The following ST8SIA1 variants were observed in gnomAD, a reference collection of about 807,000 sequenced individuals.
ST8SIA1 encodes the protein ST8 alpha-N-acetyl-neuraminide alpha-2,8-sialyltransferase 1.
Under a neutral mutation model 35.9 loss-of-function variants are expected in ST8SIA1, and 16 were observed. The observed-to-expected ratio is 0.45, with a 90% confidence interval of 0.30 to 0.68. The LOEUF is 0.68. ST8SIA1 is among the 30% of genes least tolerant of loss of function. The pLI is 0.09. For missense variants in ST8SIA1, 383 were observed against 453.6 expected, an observed-to-expected ratio of 0.84 and a Z score of 1.41; for synonymous variants, 170 against 169.6, an observed-to-expected ratio of 1.00 and a Z score of -0.02.
intron 2 of ST8SIA1, among the ~76,000 whole-genome samples, chr12:22,259,147 C>T (rs12310364): frequency 0.57 from 87,130 of 151,910 alleles, 25,709 homozygotes; most frequent in Middle Eastern, 0.76. Flanking sequence ...CTAGATTTCA[C>T]GGTTTCTGTA....
Position 22,193,672 on chromosome 12 carries a change from A to G in ST8SIA1, c.*7880T>C, listed in dbSNP as rs2120575025. 1 of 152,354 alleles carries G rather than the reference A, an allele frequency of 6.6e-6. No homozygotes were observed. The highest frequency in any genetic ancestry group is 1.9e-4 in the East Asian group (1 of 5,192). 9.4% of individuals were successfully genotyped at this position (152,354 alleles called of 1,614,324 possible). ...TTTTCTTTTTTACCTGCAACATTTT[A>G]GATGAAACTCTACAAAAAGAATTGA... is the stretch of plus-strand genomic sequence containing the variant. On this transcript the variant is annotated 3_prime_UTR_variant, in exon 5 of 5. Transcript: ENST00000396037.
At chr12:22,319,782 T>C (rs1316366510) in intron 1 of ST8SIA1, among the ~76,000 whole-genome samples, 1 of 152,134 alleles carries the variant, frequency 6.6e-6, no homozygotes, top group East Asian at 1.9e-4. Flanking sequence ...AAGTTGGGGG[T>C]ACCTAGCCAG....
chr12:22,239,583 A>G (rs1865516614), intron 4 of ST8SIA1, among the ~76,000 whole-genome samples: 1 of 152,238 alleles, frequency 6.6e-6, no homozygotes, highest in African/African-American at 2.4e-5. Flanking sequence ...TATAAAGATT[A>G]CATATTTAGT....
At chr12:22,236,939 T>G (rs926492451) in intron 4 of ST8SIA1, among the ~76,000 whole-genome samples, 4 of 152,154 alleles carry the variant, frequency 2.6e-5, no homozygotes, top group Non-Finnish European at 4.4e-5. Context: ...TGACTCTGAA[T>G]TAAGTACATA....
chr12:22,314,007 C>A (rs540802339), intron 1 of ST8SIA1, among the ~76,000 whole-genome samples: 134 of 152,218 alleles, frequency 8.8e-4, no homozygotes, highest in Middle Eastern at 3.4e-3. Context: ...TTGGAATAAG[C>A]ATTTTGTGGT....
intron 4 of ST8SIA1, among the ~76,000 whole-genome samples, chr12:22,239,027 G>C (rs1223750901): frequency 6.6e-6 from 1 of 152,170 alleles, no homozygotes; most frequent in African/African-American, 2.4e-5. Context: ...TCAGCACTTT[G>C]AAGATACTCT....
chr12:22,206,188 A>G (rs1865107451), intron 4 of ST8SIA1, among the ~76,000 whole-genome samples: 1 of 152,244 alleles, frequency 6.6e-6, no homozygotes, highest in Admixed American at 6.5e-5. Context: ...TTAAAAATCT[A>G]TCTCCATTCT....
At chr12:22,241,781 A>G (rs1865544021) in intron 4 of ST8SIA1, among the ~76,000 whole-genome samples, 2 of 152,110 alleles carry the variant, frequency 1.3e-5, no homozygotes, top group South Asian at 2.1e-4. Flanking sequence ...TCTGTGAGCA[A>G]CTTCAGGGTT....
At chr12:22,333,938 T>C in intron 1 of ST8SIA1, 59 bp downstream of exon 1, 2 of 1,475,462 alleles carry the variant, frequency 1.4e-6, no homozygotes, top group Non-Finnish European at 1.9e-6. Flanking sequence ...GGTGACCCTG[T>C]CCTCTGCACT....
At chr12:22,276,935 G>C (rs1309196808) in intron 2 of ST8SIA1, among the ~76,000 whole-genome samples, 2 of 152,008 alleles carry the variant, frequency 1.3e-5, no homozygotes, top group Non-Finnish European at 2.9e-5. Flanking sequence ...ACCCATCATA[G>C]CTACACTGGC....
chr12:22,202,577 G>T (rs1055485824), intron 4 of ST8SIA1, among the ~76,000 whole-genome samples: 1 of 152,098 alleles, frequency 6.6e-6, no homozygotes, highest in African/African-American at 2.4e-5. Context: ...AATGATGCAG[G>T]GAGTTGCCCA....
chr12:22,242,819 GCTGCCAGA>G (rs1865555564), intron 4 of ST8SIA1, among the ~76,000 whole-genome samples: 1 of 152,138 alleles, frequency 6.6e-6, no homozygotes, highest in Admixed American at 6.5e-5. Context: ...TAAATATCCA[GCTGCCAGA>G]TTAAAACCAC....
In ST8SIA1 at chr12:22,325,625, C is replaced by T; in HGVS notation, c.236+8372G>A. 1.1e-5 allele frequency: 7 copies of T among 621,534 alleles called. 1 individual carries two copies. The highest frequency in any genetic ancestry group is 4.1e-4 in the Middle Eastern group (1 of 2,466). 38.5% of individuals were successfully genotyped at this position (621,534 alleles called of 1,614,324 possible). On this transcript the variant is annotated intron_variant, in intron 1 of 4. Transcript: ENST00000396037. Reference sequence around the variant, plus strand: ...CCTCTTATCTGTGGAGGATACATTCCAAGACCCCCAGTGGATGTCTGAAAC... The same window carrying T: ...CCTCTTATCTGTGGAGGATACATTCTAAGACCCCCAGTGGATGTCTGAAAC...
At position 22,287,183 on chromosome 12, in the gene ST8SIA1, G is replaced by A; in HGVS notation, c.347C>T (p.Thr116Ile). Residue 116 changes from threonine to isoleucine, a missense_variant, in exon 2 of 5, where the codon ACC becomes ATC. Coordinates refer to ENST00000396037, the MANE Select transcript of ST8SIA1 (RefSeq NM_003034.4). ...WYDGEFLYSF[T>I]IDNSTYSLFP... ...GAGAGAGTAAGTTGAATTGTCAATG[G>A]TGAATGAGTATAAAAACTCCCCGTC... is the stretch of plus-strand genomic sequence containing the variant. 6.2e-7 allele frequency: 1 copy of A among 1,614,018 alleles called. No homozygotes were observed. The highest frequency in any genetic ancestry group is 8.5e-7 in the Non-Finnish European group (1 of 1,179,952).
Position 22,255,369 on chromosome 12 carries a change from T to C in ST8SIA1, c.402A>G (p.Pro134=), listed in dbSNP as rs766116274. The C allele has an allele frequency of 3.1e-6, 5 of 1,614,164 alleles. No individual in the cohort carries two copies. Among genetic ancestry groups the C allele is most frequent in the Non-Finnish European group, 4.2e-6 (5 of 1,180,004 alleles). Residue 134 remains proline, a synonymous_variant, in exon 3 of 5, where the codon CCA becomes CCG. Coordinates refer to ENST00000396037, the MANE Select transcript of ST8SIA1 (RefSeq NM_003034.4). ...LFPQATPFQL[P]LKKCAVVGNG... is the part of the protein sequence containing the mutation. ...TTCCCACCACCGCGCATTTCTTCAA[T>C]GGCAGCTGGAATGGGGTTGCCTAGC... is the stretch of plus-strand genomic sequence containing the variant.
intron 1 of ST8SIA1, among the ~76,000 whole-genome samples, chr12:22,320,945 GAAAGAAAGAAAGAGAAAGAA>G (rs1485358557): frequency 1.2e-4 from 11 of 91,502 alleles, no homozygotes; most frequent in African/African-American, 3.4e-4. Context: ...AAGAAAGAAA[GAAAGAAAGAAAGAGAAAGAA>G]AGAAAGAAAG....
chr12:22,297,986 C>A (rs1384164978), intron 1 of ST8SIA1, among the ~76,000 whole-genome samples: 1 of 152,034 alleles, frequency 6.6e-6, no homozygotes, highest in Non-Finnish European at 1.5e-5. Flanking sequence ...AAGTTGATCA[C>A]CAGTGGCTAA....
intron 4 of ST8SIA1, among the ~76,000 whole-genome samples, chr12:22,232,102 C>T (rs1865427956): frequency 6.6e-6 from 1 of 152,096 alleles, no homozygotes; most frequent in Non-Finnish European, 1.5e-5. Context: ...CTCTAGTGCC[C>T]CCAGTCAGAA....
At chr12:22,246,540 G>C (rs1000912774) in intron 4 of ST8SIA1, among the ~76,000 whole-genome samples, 9 of 152,132 alleles carry the variant, frequency 5.9e-5, no homozygotes, top group African/African-American at 2.2e-4. Flanking sequence ...GCCTTATGCA[G>C]CTTCAGGGTG....
Sources: allele counts gnomAD v4.1 joint callset (sites outside exome capture counted in the v4.1 genomes callset), GRCh38; gene constraint gnomAD v4.1.1; transcripts MANE v1.5; gene names NCBI Gene and HGNC (gene_info 2026-07-23, HGNC 2026-07-21).